The following KCNQ3 variants were observed in gnomAD, a reference collection of about 807,000 sequenced individuals.
KCNQ3 encodes potassium voltage-gated channel subfamily KQT member 3.
A neutral mutation model predicts 92.5 loss-of-function variants in KCNQ3; 30 were observed. The ratio of observed to expected loss-of-function variants is 0.32; its 90% CI spans 0.24 to 0.44. The LOEUF is 0.44. Among genes scored for constraint, KCNQ3 ranks in the 20% least tolerant of loss-of-function variants. The probability of loss-of-function intolerance (pLI) is 1.00; values close to 1 mark genes in which losing one functional copy is unlikely to be tolerated. For synonymous variants in KCNQ3, 450 were observed against 468.8 expected, an observed-to-expected ratio of 0.96 and a Z score of 0.52; for missense variants, 913 against 1,140.3, an observed-to-expected ratio of 0.80 and a Z score of 2.87.
Position 132,445,382 on chromosome 8 carries a change from G to T in KCNQ3, c.386+34765C>A, listed in dbSNP as rs565326114. ...GGCAGCACAGCCACGTGGCTTTCCC[G>T]CCTCTCTCCTCCAGACTCTGCGTTC... On this transcript the variant is annotated intron_variant, in intron 1 of 14. Transcript: ENST00000388996. 7.9e-5 allele frequency among the ~76,000 whole-genome samples: 12 copies of T among 152,232 alleles called. No individual in the cohort carries two copies. In the East Asian group the frequency reaches 2.3e-3, roughly 29 times the overall value.
intron 1 of KCNQ3, among the ~76,000 whole-genome samples, chr8:132,356,181 T>TTCAGAAAGTAGCAGAAGACACACCA (rs1322648983): frequency 6.6e-6 from 1 of 152,154 alleles, no homozygotes; most frequent in Middle Eastern, 3.2e-3. Flanking sequence ...TTCCTTGTTA[T>TTCAGAAAGTAGCAGAAGACACACCA]TCAGAAAGTA....
At chr8:132,428,291 A>C (rs1310396192) in intron 1 of KCNQ3, among the ~76,000 whole-genome samples, 1 of 152,002 alleles carries the variant, frequency 6.6e-6, no homozygotes, top group Admixed American at 6.6e-5. Context: ...CATTCTTCTC[A>C]TTCTTTCTGC....
chr8:132,212,932 G>A (rs796362756), intron 1 of KCNQ3, among the ~76,000 whole-genome samples: 13 of 152,248 alleles, frequency 8.5e-5, no homozygotes, highest in African/African-American at 2.9e-4. Flanking sequence ...CACTACCCAC[G>A]GAGCAGGTGC....
chr8:132,145,149 A>G (rs979693063), intron 9 of KCNQ3, among the ~76,000 whole-genome samples: 5 of 152,204 alleles, frequency 3.3e-5, no homozygotes, highest in African/African-American at 4.8e-5. Context: ...AATTCCCAAC[A>G]AAGAATTATC....
intron 1 of KCNQ3, among the ~76,000 whole-genome samples, chr8:132,415,135 C>G (rs924173864): frequency 2.6e-5 from 4 of 152,218 alleles, no homozygotes; most frequent in African/African-American, 9.6e-5. Flanking sequence ...GGCTGACTCT[C>G]AGCCTCCCTC....
At chr8:132,308,090 G>A (rs1450183793) in intron 1 of KCNQ3, among the ~76,000 whole-genome samples, 4 of 152,166 alleles carry the variant, frequency 2.6e-5, no homozygotes, top group Admixed American at 1.3e-4. Flanking sequence ...TGCAGGCAGG[G>A]AGAAAGAACA....
chr8:132,297,499 T>C (rs7814194), intron 1 of KCNQ3, among the ~76,000 whole-genome samples: 83,726 of 152,066 alleles, frequency 0.55, 23,939 homozygotes, highest in East Asian at 0.82. Flanking sequence ...TAATTTTCCC[T>C]GTTCAAGAAG....
chr8:132,286,044 CTACCTAGATT>C (rs1816670969), intron 1 of KCNQ3, among the ~76,000 whole-genome samples: 1 of 152,194 alleles, frequency 6.6e-6, no homozygotes, highest in South Asian at 2.1e-4. Flanking sequence ...ATGGCTTTCT[CTACCTAGATT>C]TCAAGGGATG....
At chr8:132,211,010 G>T (rs568607968) in intron 1 of KCNQ3, among the ~76,000 whole-genome samples, 1 of 152,270 alleles carries the variant, frequency 6.6e-6, no homozygotes, top group East Asian at 1.9e-4. Flanking sequence ...AGAGCATTGG[G>T]TCTCCCTCTG....
At chr8:132,326,407 A>T (rs951140201) in intron 1 of KCNQ3, among the ~76,000 whole-genome samples, 2 of 152,188 alleles carry the variant, frequency 1.3e-5, no homozygotes, top group Admixed American at 1.3e-4. Context: ...TGTTAGGCAC[A>T]GTGCAAGAGA....
chr8:132,403,032 A>AAAAAAAAGG (rs61533581), intron 1 of KCNQ3, among the ~76,000 whole-genome samples: 1 of 148,662 alleles, frequency 6.7e-6, no homozygotes, highest in Admixed American at 6.8e-5. Context: ...AAAAAAAAAA[A>AAAAAAAAGG]GTGTCAATAT....
intron 1 of KCNQ3, among the ~76,000 whole-genome samples, chr8:132,368,980 T>A (rs1031630806): frequency 7.9e-5 from 12 of 152,216 alleles, no homozygotes; most frequent in Non-Finnish European, 1.3e-4. Context: ...TCATTAGGCT[T>A]CTCTAGACTA....
chr8:132,480,610 G>C lies in KCNQ3; in HGVS notation c.-78C>G. ...AGGGGCGCTCGGGGTGCGTGAACGA[G>C]GCGGCGGCGGCGGCTGCAAGCCCGG... On this transcript the variant is annotated 5_prime_UTR_variant, in exon 1 of 15. Transcript: ENST00000388996. 8.6e-7 allele frequency: 1 copy of C among 1,169,502 alleles called. No individual in the cohort carries two copies. The highest frequency in any genetic ancestry group is 1.1e-6 in the Non-Finnish European group (1 of 927,982). 72.4% of individuals were successfully genotyped at this position (1,169,502 alleles called of 1,614,324 possible).
intron 1 of KCNQ3, among the ~76,000 whole-genome samples, chr8:132,340,188 T>C (rs560700640): frequency 2.0e-5 from 3 of 152,336 alleles, no homozygotes; most frequent in East Asian, 3.9e-4. Flanking sequence ...TCAACCATTA[T>C]GGAAGACAGT....
intron 1 of KCNQ3, among the ~76,000 whole-genome samples, chr8:132,260,717 A>G (rs982457849): frequency 2.6e-5 from 4 of 152,114 alleles, no homozygotes; most frequent in African/African-American, 9.7e-5. Context: ...GAACCGCCTC[A>G]GTTTTCATTT....
chr8:132,216,382 A>T (rs776895493), intron 1 of KCNQ3, among the ~76,000 whole-genome samples: 10 of 152,378 alleles, frequency 6.6e-5, no homozygotes, highest in Non-Finnish European at 1.5e-4. Context: ...TAACAAGGAC[A>T]TAATGATGAT....
chr8:132,275,731 C>T (rs980448156), intron 1 of KCNQ3, among the ~76,000 whole-genome samples: 2 of 152,166 alleles, frequency 1.3e-5, no homozygotes, highest in South Asian at 4.1e-4. Flanking sequence ...GCGCCTGCCA[C>T]CAGGCCCGGC....
chr8:132,326,749 T>C (rs992404884), intron 1 of KCNQ3, among the ~76,000 whole-genome samples: 2 of 152,206 alleles, frequency 1.3e-5, no homozygotes, highest in African/African-American at 4.8e-5. Flanking sequence ...CCATGACTTG[T>C]CTTGGGCTTC....
chr8:132,415,438 T>C (rs1820769469), intron 1 of KCNQ3, among the ~76,000 whole-genome samples: 1 of 152,186 alleles, frequency 6.6e-6, no homozygotes, highest in Non-Finnish European at 1.5e-5. Context: ...CTGGGAGCTC[T>C]CTGACTGCAG....
Sources: gnomAD v4.1 joint callset for allele counts (sites outside exome capture counted in the v4.1 genomes callset) on GRCh38, gnomAD v4.1.1 for gene constraint, MANE v1.5 for transcripts, NCBI Gene and HGNC (gene_info 2026-07-23, HGNC 2026-07-21) for gene names.